Variants in CSGALNACT1 observed in about 807,000 individuals in gnomAD.
CSGALNACT1 encodes chondroitin sulfate N-acetylgalactosaminyltransferase 1, also known as beta4GalNAcT-1.
Under a neutral mutation model 51.0 loss-of-function variants are expected in CSGALNACT1, and 52 were observed. That is an observed-to-expected ratio of 1.02 (90% CI 0.82 to 1.29). The LOEUF (loss-of-function observed/expected upper bound fraction) is 1.29, where lower values mean the gene tolerates loss of function less well. CSGALNACT1 is among the 50% of genes most tolerant of loss of function. The pLI is 0.00. For missense variants in CSGALNACT1, 935 were observed against 679.2 expected (o/e 1.38, Z -4.19); for synonymous variants, 341 against 254.4 (o/e 1.34, Z -3.24).
intron 1 of CSGALNACT1, among the ~76,000 whole-genome samples, chr8:19,676,083 T>TA (rs1564404826): frequency 6.8e-5 from 4 of 59,098 alleles, no homozygotes; most frequent in African/African-American, 1.9e-4. Flanking sequence ...GTTGTCTGAT[T>TA]TAAAAAACAA....
At chr8:19,444,788 C>G (rs2061857832) in intron 5 of CSGALNACT1, among the ~76,000 whole-genome samples, 1 of 152,146 alleles carries the variant, frequency 6.6e-6, no homozygotes, top group African/African-American at 2.4e-5. Context: ...TTAAAACCAT[C>G]AGACATCTCA....
At chr8:19,568,421 C>T (rs1019152204) in intron 3 of CSGALNACT1, among the ~76,000 whole-genome samples, 3 of 152,030 alleles carry the variant, frequency 2.0e-5, no homozygotes, top group Admixed American at 6.6e-5. Context: ...TCATCATTGA[C>T]CCAGACATCA....
At chr8:19,526,373 AAG>A (rs1237168683) in intron 3 of CSGALNACT1, among the ~76,000 whole-genome samples, 4 of 152,220 alleles carry the variant, frequency 2.6e-5, no homozygotes, top group African/African-American at 9.6e-5. Flanking sequence ...TCACAAGGTG[AAG>A]AGAATGAGAC....
At chr8:19,667,047 GAAA>G (rs1564387036) in intron 1 of CSGALNACT1, among the ~76,000 whole-genome samples, 23 of 83,324 alleles carry the variant, frequency 2.8e-4, no homozygotes, top group African/African-American at 6.8e-4. Flanking sequence ...AAGGAAGAAA[GAAA>G]GAAAGAAAGA....
chr8:19,624,709 C>T (rs1233327511), intron 1 of CSGALNACT1, among the ~76,000 whole-genome samples: 2 of 151,174 alleles, frequency 1.3e-5, no homozygotes, highest in Admixed American at 6.6e-5. Flanking sequence ...GACAGAGTCT[C>T]GCTCTGTTGC....
At chr8:19,748,528 C>G (rs2064829381) in intron 1 of CSGALNACT1, among the ~76,000 whole-genome samples, 1 of 152,174 alleles carries the variant, frequency 6.6e-6, no homozygotes, top group South Asian at 2.1e-4. Flanking sequence ...TCTTTCCCGT[C>G]CCTCTCTGCC....
intron 1 of CSGALNACT1, among the ~76,000 whole-genome samples, chr8:19,610,103 C>T (rs894963761): frequency 6.6e-6 from 1 of 150,710 alleles, no homozygotes; most frequent in African/African-American, 2.5e-5. Context: ...GTGCCTGTAA[C>T]CCCAGCTAAA....
At chr8:19,609,990 G>A (rs1248742916) in intron 1 of CSGALNACT1, among the ~76,000 whole-genome samples, 9 of 152,152 alleles carry the variant, frequency 5.9e-5, no homozygotes, top group Non-Finnish European at 1.5e-5. Flanking sequence ...GGAGGCCGAG[G>A]TGGGTGGATC....
chr8:19,505,651 G>A lies in CSGALNACT1; in HGVS notation c.184C>T (p.Gln62Ter), dbSNP rs1244948993. The A allele has an allele frequency of 6.2e-7, 1 of 1,614,020 alleles. No homozygotes were observed. The highest frequency in any genetic ancestry group is 8.5e-7 in the Non-Finnish European group (1 of 1,180,028). The change falls in exon 4 of 10, where the codon CAG becomes TAG. Residue 62 changes from glutamine (Q) to a stop codon, truncating the protein, a stop_gained. Coordinates refer to ENST00000454498, the Ensembl canonical transcript of CSGALNACT1. LOFTEE classifies it high-confidence loss of function. ...TTGCGGTGCTGCTCCTCCCACTCCT[G>A]AAGGACGGCCTGGTACCCCTCCTTC...
At chr8:19,626,536 G>A (rs1311270884) in intron 1 of CSGALNACT1, among the ~76,000 whole-genome samples, 1 of 152,106 alleles carries the variant, frequency 6.6e-6, no homozygotes, top group Non-Finnish European at 1.5e-5. Flanking sequence ...GTTAGGCAAA[G>A]AAATCTTAGG....
At chr8:19,641,989 G>A (rs2056792741) in intron 1 of CSGALNACT1, 1 of 152,138 alleles carries the variant, frequency 6.6e-6, no homozygotes, top group African/African-American at 2.4e-5. Flanking sequence ...CCTCTTCCTT[G>A]GGAGATATTT....
chr8:19,611,577 C>T (rs2052265964), intron 1 of CSGALNACT1, among the ~76,000 whole-genome samples: 1 of 152,208 alleles, frequency 6.6e-6, no homozygotes, highest in Admixed American at 6.5e-5. Context: ...TAGTGTCACC[C>T]ACCATCCCAG....
chr8:19,668,987 C>G (rs2059589343), intron 1 of CSGALNACT1, among the ~76,000 whole-genome samples: 1 of 152,088 alleles, frequency 6.6e-6, no homozygotes, highest in South Asian at 2.1e-4. Context: ...CATTTCTCAC[C>G]AAAATGCTTC....
chr8:19,587,348 T>C (rs1296235748), intron 3 of CSGALNACT1, among the ~76,000 whole-genome samples: 1 of 152,160 alleles, frequency 6.6e-6, no homozygotes, highest in African/African-American at 2.4e-5. Flanking sequence ...TGGAATCAGA[T>C]TTTCCCCAAA....
chr8:19,472,036 C>T (rs989077795), intron 4 of CSGALNACT1, among the ~76,000 whole-genome samples: 1 of 152,198 alleles, frequency 6.6e-6, no homozygotes, highest in Non-Finnish European at 1.5e-5. Context: ...CTATTCCCAT[C>T]ATCTTACCTT....
At position 19,492,704 on chromosome 8, in the gene CSGALNACT1, C is replaced by T. The variant is rs1363206006; in HGVS notation, c.634+12497G>A. Reference sequence around the variant, plus strand: ...GCTGGTCCACGCCACTGGCCCGTAGCCACCAGCCTAGCAATGGCATAATGC... The same window carrying T: ...GCTGGTCCACGCCACTGGCCCGTAGTCACCAGCCTAGCAATGGCATAATGC... On this transcript the variant is annotated intron_variant, in intron 4 of 9. Transcript: ENST00000454498. Among the ~76,000 whole-genome samples the T allele has an allele frequency of 2.6e-5, 4 of 152,188 alleles. No individual in the cohort carries two copies. The East Asian group carries it at 7.7e-4, about 29-fold the overall frequency.
chr8:19,546,376 C>G (rs2086471602), intron 3 of CSGALNACT1, among the ~76,000 whole-genome samples: 1 of 152,024 alleles, frequency 6.6e-6, no homozygotes, highest in African/African-American at 2.4e-5. Context: ...CAATCTTATT[C>G]CTACTATAAT....
Position 19,593,876 on chromosome 8 carries a change from AC to A in CSGALNACT1, c.-415-2599del, listed in dbSNP as rs1193558613. Among the ~76,000 whole-genome samples the A allele has an allele frequency of 2.0e-5, 3 of 152,070 alleles. No homozygotes were observed. The East Asian group carries it at 5.8e-4, about 29-fold the overall frequency. On this transcript the variant is annotated intron_variant, in intron 2 of 9. Coordinates refer to ENST00000454498, the Ensembl canonical transcript of CSGALNACT1. ...GCTCCACAAGCCCATCTGTCTCAAGACCCTTCTCAACCTTGTGCTGAAACTT... is the reference window on the plus strand; with the variant it reads ...GCTCCACAAGCCCATCTGTCTCAAGACCTTCTCAACCTTGTGCTGAAACTT...
At chr8:19,747,518 A>G (rs181677813) in intron 1 of CSGALNACT1, among the ~76,000 whole-genome samples, 185 of 152,312 alleles carry the variant, frequency 1.2e-3, no homozygotes, top group African/African-American at 4.2e-3. Flanking sequence ...AGTGAATAAT[A>G]TGTTCTCTAC....
Sources: gnomAD v4.1 joint callset for allele counts (sites outside exome capture counted in the v4.1 genomes callset) on GRCh38, gnomAD v4.1.1 for gene constraint, MANE v1.5 for transcripts, NCBI Gene and HGNC (gene_info 2026-07-23, HGNC 2026-07-21) for gene names.